The following RRAGB variants were observed in gnomAD, a reference collection of about 807,000 sequenced individuals.
The protein encoded by RRAGB is Ras related GTP binding B.
RRAGB carries 6 observed loss-of-function variants against 29.3 expected under a neutral mutation model. The observed-to-expected ratio is 0.21, with a 90% CI of 0.11 to 0.40. The LOEUF (loss-of-function observed/expected upper bound fraction) is 0.40. Among genes scored for constraint, RRAGB ranks in the 10% least tolerant of loss-of-function variants. RRAGB has a pLI of 1.00. For missense variants in RRAGB, 184 were observed against 272.9 expected, an observed-to-expected ratio of 0.67 and a Z score of 2.29; for synonymous variants, 101 against 92.5, an observed-to-expected ratio of 1.09 and a Z score of -0.53.
chrX:55,734,033 G>A (rs1190891984), intron 5 of RRAGB, among the ~76,000 whole-genome samples: 3 of 108,000 alleles, frequency 2.8e-5, no homozygotes, highest in African/African-American at 1.0e-4. Context: ...GCGTGGTCTC[G>A]TCTCACTGCA....
intron 5 of RRAGB, among the ~76,000 whole-genome samples, chrX:55,744,018 C>T (rs1024708921): frequency 9.0e-6 from 1 of 111,124 alleles, no homozygotes; most frequent in African/African-American, 3.3e-5. Flanking sequence ...TATCTGTAAA[C>T]CAGTCCTGAG....
chrX:55,735,441 C>T (rs2033835133), intron 5 of RRAGB, among the ~76,000 whole-genome samples: 1 of 112,156 alleles, frequency 8.9e-6, no homozygotes, highest in Non-Finnish European at 1.9e-5. Flanking sequence ...TATTCCCACT[C>T]ACTTTTGGTT....
At chrX:55,749,422 C>T (rs1198419925) in intron 5 of RRAGB, among the ~76,000 whole-genome samples, 29 of 104,369 alleles carry the variant, frequency 2.8e-4, no homozygotes, top group African/African-American at 9.4e-4. Flanking sequence ...GGGGGGTCAG[C>T]CCCCCGCCCG....
rs1457662227 is a variant in RRAGB, at chrX:55,734,465, A to T, written c.516+2879A>T. On this transcript the variant is annotated intron_variant, in intron 5 of 9. Coordinates refer to ENST00000374941, the MANE Select transcript of RRAGB (RefSeq NM_006064.5). ...CCTTTGTATTTCTGTGTTTATCAGT[A>T]TGATGTTTCCATTTTCATTTCTGAT... Among the ~76,000 whole-genome samples the T allele has an allele frequency of 5.4e-5, 6 of 111,232 alleles. No individual in the cohort carries two copies. The East Asian group carries it at 1.7e-3, about 31-fold the overall frequency.
chrX:55,749,931 A>G (rs2034464018), intron 5 of RRAGB, among the ~76,000 whole-genome samples: 1 of 108,383 alleles, frequency 9.2e-6, no homozygotes, highest in African/African-American at 3.4e-5. Context: ...TAGGAAAACC[A>G]GAGACCTTTG....
intron 5 of RRAGB, among the ~76,000 whole-genome samples, chrX:55,737,727 G>A (rs1205930907): frequency 7.1e-5 from 8 of 112,725 alleles, no homozygotes; most frequent in East Asian, 2.8e-4. Flanking sequence ...ATCCTGCTGC[G>A]CATCTGGTCT....
intron 7 of RRAGB, chrX:55,755,306 A>G (rs749775346): frequency 1.3e-5 from 10 of 752,858 alleles, no homozygotes; most frequent in Non-Finnish European, 1.6e-5. Flanking sequence ...AAAAAGTTAG[A>G]AAAAGTATTT....
intron 5 of RRAGB, among the ~76,000 whole-genome samples, chrX:55,741,110 T>C (rs1356702657): frequency 2.5e-4 from 27 of 107,451 alleles, no homozygotes; most frequent in Admixed American, 2.2e-3. Flanking sequence ...GCTGAACAAC[T>C]GTAGAATGGT....
intron 5 of RRAGB, among the ~76,000 whole-genome samples, chrX:55,742,524 C>A (rs1293270196): frequency 8.9e-6 from 1 of 112,384 alleles, no homozygotes; most frequent in Non-Finnish European, 1.9e-5. Context: ...CCATAGTAGT[C>A]AGGATCAGTC....
intron 5 of RRAGB, among the ~76,000 whole-genome samples, chrX:55,748,878 T>A (rs2034375214): frequency 1.0e-5 from 1 of 95,274 alleles, no homozygotes; most frequent in African/African-American, 4.0e-5. Flanking sequence ...GGAGCCCCTC[T>A]GCCCGGCCAG....
chrX:55,751,632 T>C, intron 6 of RRAGB: 1 of 113,442 alleles, frequency 8.8e-6, no homozygotes, highest in South Asian at 3.7e-4. Context: ...GGAGAAGGAG[T>C]CTTAGAATCA....
intron 3 of RRAGB, among the ~76,000 whole-genome samples, chrX:55,724,060 G>A (rs1278905395): frequency 8.9e-6 from 1 of 112,259 alleles, no homozygotes; most frequent in African/African-American, 3.2e-5. Context: ...ACATTACATT[G>A]CTGTTAGCAC....
Position 55,719,304 on chromosome X carries a change from A to G in RRAGB, c.93-10A>G, listed in dbSNP as rs1323459976. Reference sequence around the variant, plus strand: ...GATCATGGAAACTGTTTTTTGGTTTATATCTGCAGGTGGGTGCTACCAAAT... The same window carrying G: ...GATCATGGAAACTGTTTTTTGGTTTGTATCTGCAGGTGGGTGCTACCAAAT... On this transcript the variant is annotated splice_polypyrimidine_tract_variant and intron_variant, in intron 1 of 9. Transcript: ENST00000374941. 4 of 1,186,504 alleles carry G rather than the reference A, an allele frequency of 3.4e-6. No individual in the cohort carries two copies. The highest frequency in any genetic ancestry group is 4.5e-6 in the Non-Finnish European group (4 of 881,458).
intron 3 of RRAGB, chrX:55,727,383 A>T (rs752030212): frequency 2.5e-6 from 2 of 805,181 alleles, no homozygotes; most frequent in Non-Finnish European, 3.8e-6. Context: ...TTGGAAATAC[A>T]AAGACATGTA....
intron 5 of RRAGB, among the ~76,000 whole-genome samples, chrX:55,744,807 T>C (rs1170070318): frequency 8.9e-6 from 1 of 112,218 alleles, no homozygotes; most frequent in East Asian, 2.8e-4. Flanking sequence ...ATATGCTGGA[T>C]CATATGACCC....
chrX:55,727,194 G>C, intron 3 of RRAGB: 2 of 684,760 alleles, frequency 2.9e-6, no homozygotes, highest in Non-Finnish European at 4.1e-6. Context: ...TATGGGAGTA[G>C]AAACCTGATT....
chrX:55,750,178 ATACG>A (rs1166510699), intron 5 of RRAGB, among the ~76,000 whole-genome samples: 2 of 67,923 alleles, frequency 2.9e-5, no homozygotes, highest in Non-Finnish European at 6.4e-5. Context: ...ACATACATAC[ATACG>A]TATGTGTGTG....
chrX:55,739,391 G>A (rs1351653297), intron 5 of RRAGB, among the ~76,000 whole-genome samples: 1 of 28,083 alleles, frequency 3.6e-5, no homozygotes, highest in Non-Finnish European at 1.8e-4. Context: ...TGAGTTAGCT[G>A]TGAGGTTCCT....
At chrX:55,735,729 T>G (rs1172582122) in intron 5 of RRAGB, among the ~76,000 whole-genome samples, 1 of 112,561 alleles carries the variant, frequency 8.9e-6, no homozygotes, top group Non-Finnish European at 1.9e-5. Flanking sequence ...CCTTCAAGTG[T>G]TTTTATACTG....
Sources: allele counts gnomAD v4.1 joint callset (sites outside exome capture counted in the v4.1 genomes callset), GRCh38; gene constraint gnomAD v4.1.1; transcripts MANE v1.5; gene names NCBI Gene and HGNC (gene_info 2026-07-23, HGNC 2026-07-21).